Variants in PTPRD observed in about 807,000 individuals in gnomAD.
PTPRD encodes receptor-type tyrosine-protein phosphatase delta.
A neutral mutation model predicts 214.5 loss-of-function variants in PTPRD; 34 were observed. That is an observed-to-expected ratio of 0.16 (90% CI 0.12 to 0.21). The LOEUF is 0.21. Among genes scored for constraint, PTPRD ranks in the 10% least tolerant of loss-of-function variants. The pLI, the probability that PTPRD is intolerant of heterozygous loss-of-function variation, is 1.00. For synonymous variants in PTPRD, 1,128 were observed against 845.7 expected, an observed-to-expected ratio of 1.33 and a Z score of -5.79; for missense variants, 2,545 against 2,398.7, an observed-to-expected ratio of 1.06 and a Z score of -1.27.
chr9:9,822,485 T>C (rs986136583), intron 5 of PTPRD, among the ~76,000 whole-genome samples: 43 of 147,946 alleles, frequency 2.9e-4, no homozygotes, highest in Non-Finnish European at 5.6e-4. Context: ...ACATAATATA[T>C]ACAGAACATA....
Position 8,375,921 on chromosome 9 carries a change from A to G in PTPRD, c.4661+15T>C. 5 of 1,605,520 alleles carry G rather than the reference A, an allele frequency of 3.1e-6. No homozygotes were observed. Among genetic ancestry groups the G allele is most frequent in the Non-Finnish European group, 4.3e-6 (5 of 1,176,200 alleles). ...CTTTCTGTTTCCTGACTGCAAGTGAACAAACGCTTCTTACCTGCAGTGCAC... is the reference window on the plus strand; with the variant it reads ...CTTTCTGTTTCCTGACTGCAAGTGAGCAAACGCTTCTTACCTGCAGTGCAC... On this transcript the variant is annotated intron_variant, in intron 39 of 45. Transcript: ENST00000381196.
At chr9:9,903,944 G>C (rs1200338539) in intron 5 of PTPRD, among the ~76,000 whole-genome samples, 1 of 152,060 alleles carries the variant, frequency 6.6e-6, no homozygotes, top group Admixed American at 6.6e-5. Context: ...ACAACCTACA[G>C]ACAGTAATAG....
At chr9:9,718,283 T>A (rs553242846) in intron 7 of PTPRD, among the ~76,000 whole-genome samples, 9 of 151,780 alleles carry the variant, frequency 5.9e-5, no homozygotes, top group Admixed American at 3.9e-4. Context: ...CTAGCAGGAG[T>A]TTCATGTTCA....
intron 11 of PTPRD, among the ~76,000 whole-genome samples, chr9:8,780,276 A>G (rs993879589): frequency 5.9e-5 from 9 of 152,204 alleles, no homozygotes; most frequent in Non-Finnish European, 1.3e-4. Context: ...TTCTCATTTG[A>G]TAAATTTAGG....
At chr9:8,938,338 A>G (rs972477796) in intron 11 of PTPRD, among the ~76,000 whole-genome samples, 3 of 152,110 alleles carry the variant, frequency 2.0e-5, no homozygotes, top group African/African-American at 4.8e-5. Context: ...GATGACAGAA[A>G]TGAATTCAAA....
At chr9:9,515,829 A>G (rs2096824340) in intron 8 of PTPRD, among the ~76,000 whole-genome samples, 2 of 152,036 alleles carry the variant, frequency 1.3e-5, no homozygotes, top group African/African-American at 2.4e-5. Flanking sequence ...TATTTTTGTT[A>G]TAATGTTCTT....
At chr9:9,275,819 CTGTGTGTGTGTGTA>C (rs1013166843) in intron 9 of PTPRD, among the ~76,000 whole-genome samples, 2 of 147,326 alleles carry the variant, frequency 1.4e-5, no homozygotes, top group African/African-American at 4.9e-5. Context: ...AGCGAAACAG[CTGTGTGTGTGTGTA>C]TGTGTGTGTG....
At chr9:8,842,301 T>C (rs749607271) in intron 11 of PTPRD, among the ~76,000 whole-genome samples, 1 of 149,878 alleles carries the variant, frequency 6.7e-6, no homozygotes, top group Non-Finnish European at 1.5e-5. Flanking sequence ...TGTTTTCAGA[T>C]AAAAGGATTA....
intron 2 of PTPRD, among the ~76,000 whole-genome samples, chr9:10,516,204 G>T (rs1318188695): frequency 1.3e-5 from 2 of 151,372 alleles, no homozygotes; most frequent in Admixed American, 1.3e-4. Context: ...AGCGTTCAAG[G>T]GTTCCAATTT....
intron 10 of PTPRD, among the ~76,000 whole-genome samples, chr9:9,174,834 C>A (rs553251073): frequency 1.3e-5 from 2 of 151,294 alleles, no homozygotes; most frequent in Admixed American, 6.6e-5. Flanking sequence ...TTTTTAAGAC[C>A]GTGAGATTTG....
intron 2 of PTPRD, among the ~76,000 whole-genome samples, chr9:10,368,726 A>G (rs1478630467): frequency 1.3e-5 from 2 of 152,102 alleles, no homozygotes; most frequent in Non-Finnish European, 2.9e-5. Context: ...CTTTTCTTAA[A>G]CATATGATGA....
chr9:8,761,685 C>T (rs1407552702), intron 11 of PTPRD, among the ~76,000 whole-genome samples: 1 of 152,062 alleles, frequency 6.6e-6, no homozygotes, highest in Non-Finnish European at 1.5e-5. Flanking sequence ...ATTTTATAGA[C>T]ATCTAATAAT....
At chr9:8,717,710 G>A (rs1291990545) in intron 12 of PTPRD, among the ~76,000 whole-genome samples, 1 of 152,144 alleles carries the variant, frequency 6.6e-6, no homozygotes, top group East Asian at 1.9e-4. Flanking sequence ...TAGTTGGTGT[G>A]GGGCCTACAT....
intron 2 of PTPRD, among the ~76,000 whole-genome samples, chr9:10,521,069 A>G (rs935927859): frequency 6.6e-6 from 1 of 152,022 alleles, no homozygotes; most frequent in African/African-American, 2.4e-5. Flanking sequence ...TTCCATAGAT[A>G]GTGATTCTTC....
chr9:9,490,552 GT>G (rs2095851566), intron 8 of PTPRD, among the ~76,000 whole-genome samples: 2 of 151,986 alleles, frequency 1.3e-5, no homozygotes, highest in African/African-American at 4.8e-5. Flanking sequence ...GGTACACAAT[GT>G]ATAAAAATGA....
intron 7 of PTPRD, among the ~76,000 whole-genome samples, chr9:9,706,888 A>C (rs2097627749): frequency 6.6e-6 from 1 of 152,190 alleles, no homozygotes; most frequent in Non-Finnish European, 1.5e-5. Context: ...AATAAAATGA[A>C]ACAAAAAGGC....
At position 10,142,362 on chromosome 9, in the gene PTPRD, C is replaced by T. The variant is rs1415546826; in HGVS notation, c.-544-108572G>A. On this transcript the variant is annotated intron_variant, in intron 3 of 45. Coordinates refer to ENST00000381196, the MANE Select transcript of PTPRD (RefSeq NM_002839.4). ...AACCCACAAAATGGGAGAAAATTTT[C>T]GCAACCTACTCATCTGACAAAGGGC... Among the ~76,000 whole-genome samples the T allele has an allele frequency of 4.6e-5, 7 of 151,700 alleles. No individual in the cohort carries two copies. The East Asian group carries it at 5.8e-4, about 13-fold the overall frequency.
At position 8,517,837 on chromosome 9, in the gene PTPRD, A is replaced by T. The variant is rs79838662; in HGVS notation, c.1543+11T>A. On this transcript the variant is annotated intron_variant, in intron 21 of 45. Coordinates refer to ENST00000381196, the MANE Select transcript of PTPRD (RefSeq NM_002839.4). ...CCCTCCTGCCCTATTTCCCTCCTCAACCAAACTTACCTCCTGTCTGAGTGA... is the reference window on the plus strand; with the variant it reads ...CCCTCCTGCCCTATTTCCCTCCTCATCCAAACTTACCTCCTGTCTGAGTGA... The T allele has an allele frequency of 6.2e-7, 1 of 1,606,360 alleles. No homozygotes were observed. Among genetic ancestry groups the T allele is most frequent in the African/African-American group, 1.3e-5 (1 of 74,882 alleles).
Position 8,556,351 on chromosome 9 carries a change from A to G in PTPRD, c.353-27572T>C, listed in dbSNP as rs1487440637. ...GCAAAACACCAGAGTAAACTTAACC[A>G]TGAATGTTTTTCTAACAGTCTGTGA... is the stretch of plus-strand genomic sequence containing the variant. On this transcript the variant is annotated intron_variant, in intron 14 of 45. Coordinates refer to ENST00000381196, the MANE Select transcript of PTPRD (RefSeq NM_002839.4). Among the ~76,000 whole-genome samples the G allele has an allele frequency of 2.0e-5, 3 of 152,204 alleles. No homozygotes were observed. In the East Asian group the frequency reaches 5.8e-4, roughly 29 times the overall value.
Sources: allele counts gnomAD v4.1 joint callset (sites outside exome capture counted in the v4.1 genomes callset), GRCh38; gene constraint gnomAD v4.1.1; transcripts MANE v1.5; gene names NCBI Gene and HGNC (gene_info 2026-07-23, HGNC 2026-07-21).